Variants in TBC1D14 observed in about 807,000 individuals in gnomAD.
TBC1D14 encodes the protein TBC1 domain family, member 14.
A neutral mutation model predicts 79.0 loss-of-function variants in TBC1D14; 26 were observed. The observed-to-expected ratio is 0.33, with a 90% confidence interval of 0.24 to 0.46. TBC1D14 has a LOEUF of 0.46. Among genes scored for constraint, TBC1D14 ranks in the 20% least tolerant of loss-of-function variants. The pLI, the probability that TBC1D14 is intolerant of heterozygous loss-of-function variation, is 1.00. For synonymous variants in TBC1D14, 394 were observed against 349.9 expected, an observed-to-expected ratio of 1.13 and a Z score of -1.40; for missense variants, 769 against 887.6, an observed-to-expected ratio of 0.87 and a Z score of 1.70.
At chr4:7,018,451 C>G (rs564082245) in intron 12 of TBC1D14, among the ~76,000 whole-genome samples, 2 of 152,376 alleles carry the variant, frequency 1.3e-5, no homozygotes, top group East Asian at 3.9e-4. Context: ...GCTCCACCCA[C>G]TCTCTGAGGG....
intron 2 of TBC1D14, among the ~76,000 whole-genome samples, chr4:6,929,079 T>C (rs1029952359): frequency 3.9e-5 from 6 of 152,166 alleles, no homozygotes; most frequent in African/African-American, 1.4e-4. Flanking sequence ...TGGCACCTGC[T>C]ATGGACCTGC....
chr4:7,024,096 G>A (rs985952138), intron 12 of TBC1D14, among the ~76,000 whole-genome samples: 3 of 152,204 alleles, frequency 2.0e-5, no homozygotes, highest in African/African-American at 7.2e-5. Flanking sequence ...AGCACCCCCC[G>A]GCCGGAGTCC....
chr4:6,939,627 C>T (rs1214581831), intron 2 of TBC1D14, among the ~76,000 whole-genome samples: 1 of 152,002 alleles, frequency 6.6e-6, no homozygotes, highest in African/African-American at 2.4e-5. Flanking sequence ...ACACCCACTT[C>T]TCCCAAATCA....
At chr4:6,919,075 T>C (rs1409186456) in intron 1 of TBC1D14, among the ~76,000 whole-genome samples, 2 of 152,136 alleles carry the variant, frequency 1.3e-5, no homozygotes, top group Non-Finnish European at 2.9e-5. Flanking sequence ...GTCCGGATTC[T>C]TTCAGATCTT....
Position 6,994,193 on chromosome 4 carries a change from G to C in TBC1D14, c.853G>C (p.Asp285His). The change falls in exon 4 of 14, where the codon GAC becomes CAC. Residue 285 changes from aspartate to histidine, a missense_variant. Asp to His is a moderately conservative substitution (Grantham distance 81). Coordinates refer to ENST00000409757, the MANE Select transcript of TBC1D14 (RefSeq NM_020773.3). ...GGTTTCTTTGTCCTAGGAATATGAA[G>C]ACAAGGCTGGAAGACCTAGCAAGCC... ...DSKRIQKEYE[D>H]KAGRPSKPPS... 3 of 1,614,110 alleles carry C rather than the reference G, an allele frequency of 1.9e-6. No homozygotes were observed. The South Asian group carries it at 3.3e-5, about 18-fold the overall frequency.
chr4:6,933,242 CCCTCCCCTCCCCTCCCCTCCCCT>C, intron 2 of TBC1D14, among the ~76,000 whole-genome samples: 1 of 10,088 alleles, frequency 9.9e-5, no homozygotes, highest in African/African-American at 3.2e-4. Flanking sequence ...GAATTACCTC[CCCTCCCCTCCCCTCCCCTCCCCT>C]CCCTTCCCCT....
chr4:6,921,693 A>AT (rs35634049), intron 1 of TBC1D14, among the ~76,000 whole-genome samples: 1,871 of 92,206 alleles, frequency 0.02, 82 homozygotes, highest in African/African-American at 0.062. Flanking sequence ...CACCTGGCTA[A>AT]TTTTTTTTTT....
At chr4:6,924,963 A>G (rs1476737301) in intron 2 of TBC1D14, among the ~76,000 whole-genome samples, 1 of 152,026 alleles carries the variant, frequency 6.6e-6, no homozygotes, top group African/African-American at 2.4e-5. Flanking sequence ...GCGTGCTGGG[A>G]GGAAGGGCAC....
In TBC1D14 at chr4:6,939,507, G is replaced by A. The variant is rs1712697030; in HGVS notation, c.722+15396G>A. Among the ~76,000 whole-genome samples, 3 of 152,146 alleles carry A rather than the reference G, an allele frequency of 2.0e-5. No homozygotes were observed. The East Asian group carries it at 5.8e-4, about 29-fold the overall frequency. On this transcript the variant is annotated intron_variant, in intron 2 of 13. Transcript: ENST00000409757. ...GAACTCAGCAAGTGCTTGCCAGATG[G>A]TTGAATTCAGACGTCATCCCTTTTC...
intron 8 of TBC1D14, among the ~76,000 whole-genome samples, chr4:7,006,096 T>C (rs1319400982): frequency 6.6e-6 from 1 of 152,128 alleles, no homozygotes; most frequent in South Asian, 2.1e-4. Flanking sequence ...TCCTAGCACT[T>C]TGGGAGGCTG....
rs71173476 is a variant in TBC1D14 at position 6,969,758 on chromosome 4, AT to A, written c.843+2345del. 2.6e-3 allele frequency among the ~76,000 whole-genome samples: 371 copies of A among 144,862 alleles called. 8 individuals carry two copies. The East Asian group carries it at 0.05, about 20-fold the overall frequency. ...TGGATTATGTTCTTGACCTTAGAGGATTTTTTTTTTTCTGTGAACTGAAATG... is the reference window on the plus strand; with the variant it reads ...TGGATTATGTTCTTGACCTTAGAGGATTTTTTTTTTCTGTGAACTGAAATG... On this transcript the variant is annotated intron_variant, in intron 3 of 13. Coordinates refer to ENST00000409757, the MANE Select transcript of TBC1D14 (RefSeq NM_020773.3).
Position 6,962,000 on chromosome 4 carries a change from G to A in TBC1D14, c.723-5304G>A, listed in dbSNP as rs914358135. ...GTCTCGCTCTGGCCTCCTGACTGCA[G>A]AGGTGTGTCTGAGCCAAGGCTGATC... On this transcript the variant is annotated intron_variant, in intron 2 of 13. Coordinates refer to ENST00000409757, the MANE Select transcript of TBC1D14 (RefSeq NM_020773.3). Among the ~76,000 whole-genome samples the A allele has an allele frequency of 4.6e-5, 7 of 152,216 alleles. No individual in the cohort carries two copies. The East Asian group carries it at 1.3e-3, about 29-fold the overall frequency.
At chr4:6,931,120 C>T (rs996209157) in intron 2 of TBC1D14, among the ~76,000 whole-genome samples, 4 of 152,078 alleles carry the variant, frequency 2.6e-5, no homozygotes, top group Admixed American at 1.3e-4. Flanking sequence ...AGGCTGGTCT[C>T]GAACTTCTGA....
intron 1 of TBC1D14, among the ~76,000 whole-genome samples, chr4:6,921,009 A>G (rs1014362487): frequency 5.3e-5 from 8 of 152,092 alleles, no homozygotes; most frequent in Non-Finnish European, 7.4e-5. Flanking sequence ...GGAACTCCTG[A>G]CCTCAGGTGA....
In TBC1D14 at chr4:7,006,787, C is replaced by A. The variant is rs188763129; in HGVS notation, c.1446+61C>A. On this transcript the variant is annotated intron_variant, in intron 9 of 13. Transcript: ENST00000409757. Reference sequence around the variant, plus strand: ...TTGTCTAAAATTCATAGATGCTGAACTGTGTATATTTGTTGTCAAGTTTGA... The same window carrying A: ...TTGTCTAAAATTCATAGATGCTGAAATGTGTATATTTGTTGTCAAGTTTGA... The A allele has an allele frequency of 1.2e-4, 184 of 1,508,236 alleles. No homozygotes were observed. The African/African-American group carries it at 2.2e-3, about 18-fold the overall frequency. 93.4% of individuals were successfully genotyped at this position (1,508,236 alleles called of 1,614,324 possible).
chr4:6,924,068 A>G lies in TBC1D14; in HGVS notation c.679A>G (p.Ser227Gly). 6.2e-7 allele frequency: 1 copy of G among 1,613,712 alleles called. No homozygotes were observed. The highest frequency in any genetic ancestry group is 8.5e-7 in the Non-Finnish European group (1 of 1,179,934). ...QDCVHEAEEG[S>G]KLKILGPFSN... is the part of the protein sequence containing the mutation. ...CTGTGTTCATGAAGCTGAGGAGGGG[A>G]GTAAATTGAAAATATTGGGGCCATT... The change falls in exon 2 of 14, where the codon AGT becomes GGT. Residue 227 changes from serine (S) to glycine (G), a missense_variant. Ser to Gly is a moderately conservative substitution (Grantham distance 56). Transcript: ENST00000409757.
intron 10 of TBC1D14, 111 bp downstream of exon 10, chr4:7,010,059 G>A: frequency 8.0e-7 from 1 of 1,249,322 alleles, no homozygotes; most frequent in South Asian, 1.2e-5. Context: ...TTTTTGCCGA[G>A]GAGTATGAAA....
intron 3 of TBC1D14, among the ~76,000 whole-genome samples, chr4:6,977,835 G>A (rs1189811549): frequency 6.7e-6 from 1 of 149,884 alleles, no homozygotes; most frequent in Non-Finnish European, 1.5e-5. Context: ...TAGGAAGTGA[G>A]GAGCGTCTCT....
intron 4 of TBC1D14, among the ~76,000 whole-genome samples, chr4:6,994,860 G>T (rs564274921): frequency 1.5e-5 from 2 of 130,434 alleles, no homozygotes; most frequent in Non-Finnish European, 3.2e-5. Context: ...GCAAAACTCC[G>T]TCTCAAAAAA....
Sources: gnomAD v4.1 joint callset for allele counts (sites outside exome capture counted in the v4.1 genomes callset) on GRCh38, gnomAD v4.1.1 for gene constraint, MANE v1.5 for transcripts, NCBI Gene and HGNC (gene_info 2026-07-23, HGNC 2026-07-21) for gene names.